PARVB: variants seen among roughly 807,000 people sequenced by gnomAD.
PARVB encodes beta-parvin.
Under a neutral mutation model 47.0 loss-of-function variants are expected in PARVB, and 46 were observed. The observed-to-expected ratio is 0.98, with a 90% CI of 0.77 to 1.25. The LOEUF (loss-of-function observed/expected upper bound fraction) is 1.25, where lower values mean the gene tolerates loss of function less well. Among genes scored for constraint, PARVB ranks in the 50% most tolerant of loss-of-function variants. PARVB has a pLI of 0.00. For missense variants in PARVB, 473 were observed against 471.6 expected (o/e 1.00, Z -0.03); for synonymous variants, 196 against 196.3 (o/e 1.00, Z 0.01).
intron 1 of PARVB, among the ~76,000 whole-genome samples, chr22:44,045,873 T>A (rs1368707972): frequency 1.3e-5 from 2 of 152,230 alleles, no homozygotes; most frequent in Non-Finnish European, 2.9e-5. Flanking sequence ...CCCACTTTGT[T>A]CTTCAACCTT....
In PARVB at chr22:44,172,935, G is replaced by A; in HGVS notation, c.*4257G>A. ...TTATTTATTCCAATAAAGACCTCGT[G>A]AGCATGGGCCTGTCCACCGTCTTTG... On this transcript the variant is annotated 3_prime_UTR_variant, in exon 13 of 13. Coordinates refer to ENST00000338758, the MANE Select transcript of PARVB (RefSeq NM_013327.5). The A allele has an allele frequency of 8.0e-7, 1 of 1,250,040 alleles. No homozygotes were observed. Among genetic ancestry groups the A allele is most frequent in the African/African-American group, 1.5e-5 (1 of 64,904 alleles). The allele number at this position is 1,250,040 out of a possible 1,614,324, so 77.4% of individuals were successfully genotyped here.
At chr22:44,105,971 G>C (rs967778187) in intron 3 of PARVB, 1 of 152,138 alleles carries the variant, frequency 6.6e-6, no homozygotes, top group African/African-American at 2.4e-5. Flanking sequence ...TGGGATTATA[G>C]GTATGCACCA....
rs114126576 is a variant in PARVB at position 44,117,752 on chromosome 22, T to C, written c.274-1286T>C. Among the ~76,000 whole-genome samples the C allele has an allele frequency of 7.7e-3, 1,179 of 152,360 alleles. 15 individuals carry two copies. The highest frequency in any genetic ancestry group is 0.027 in the African/African-American group (1,140 of 41,570). ...CAGAGTGACAGGGGACGGTATATTC[T>C]GGACTTGTGCCCTTTTGTTCATCTC... On this transcript the variant is annotated intron_variant, in intron 3 of 12. Transcript: ENST00000338758.
At chr22:44,160,950 C>T (rs941260708) in intron 11 of PARVB, among the ~76,000 whole-genome samples, 3 of 152,192 alleles carry the variant, frequency 2.0e-5, no homozygotes, top group Non-Finnish European at 2.9e-5. Context: ...GAAGAGGATT[C>T]CTCAGGCTTA....
intron 1 of PARVB, among the ~76,000 whole-genome samples, chr22:44,044,445 C>T (rs1393108833): frequency 6.6e-6 from 1 of 152,014 alleles, no homozygotes; most frequent in Non-Finnish European, 1.5e-5. Context: ...CCGCCTAGGC[C>T]TCCCAAAGTG....
At chr22:44,047,359 G>T (rs2051132501) in intron 1 of PARVB, among the ~76,000 whole-genome samples, 1 of 152,144 alleles carries the variant, frequency 6.6e-6, no homozygotes, top group Non-Finnish European at 1.5e-5. Flanking sequence ...ATTGGCTTAG[G>T]TCGCTGTATT....
At chr22:44,021,810 CACACACAG>C (rs1257773979), upstream of PARVB, among the ~76,000 whole-genome samples, 376 of 138,372 alleles carry the variant, frequency 2.7e-3, 6 homozygotes, top group African/African-American at 1.0e-2. Context: ...CACACACACA[CACACACAG>C]GGCCTAGTAG....
At chr22:44,058,979 AT>A (rs1373206994) in intron 1 of PARVB, among the ~76,000 whole-genome samples, 2 of 121,404 alleles carry the variant, frequency 1.6e-5, no homozygotes, top group African/African-American at 6.6e-5. Flanking sequence ...TGAGGGTGTG[AT>A]GGGGGGGGGA....
At chr22:44,131,440 C>A (rs747898327) in intron 4 of PARVB, 47 bp from the exon 5 acceptor site, 31 of 1,600,654 alleles carry the variant, frequency 1.9e-5, no homozygotes, top group Non-Finnish European at 2.6e-5. Flanking sequence ...CTGCGCCTGG[C>A]CCTTCCAGCT....
intron 1 of PARVB, among the ~76,000 whole-genome samples, chr22:44,067,429 C>T (rs12160516): frequency 0.02 from 3,051 of 152,338 alleles, 106 homozygotes; most frequent in African/African-American, 0.069. Context: ...CCTCCTCCCC[C>T]AAGGGGCTGA....
intron 1 of PARVB, chr22:44,031,329 T>C (rs928195506): frequency 6.6e-6 from 1 of 152,254 alleles, no homozygotes; most frequent in African/African-American, 2.4e-5. Flanking sequence ...CCTTTGATTA[T>C]TATTCTGACT....
At chr22:44,010,514 G>T (rs1462376735) in intron 2 of PARVB, 3 of 152,242 alleles carry the variant, frequency 2.0e-5, no homozygotes, top group Non-Finnish European at 4.4e-5. Context: ...AATAAATGAT[G>T]AGAAGTGGAG....
chr22:44,100,180 G>A (rs939219973), intron 3 of PARVB, 57 bp downstream of exon 3: 7 of 1,369,666 alleles, frequency 5.1e-6, no homozygotes, highest in Middle Eastern at 1.8e-4. Flanking sequence ...TTGGCTTTGG[G>A]GTTCAGGGCT....
chr22:44,120,862 G>GA (rs1329373148), intron 4 of PARVB, among the ~76,000 whole-genome samples: 1 of 146,188 alleles, frequency 6.8e-6, no homozygotes, highest in African/African-American at 2.5e-5. Flanking sequence ...TTCTTTTTTT[G>GA]AAATGGAGTC....
chr22:44,130,983 T>C (rs2053295824), intron 4 of PARVB, among the ~76,000 whole-genome samples: 1 of 148,412 alleles, frequency 6.7e-6, no homozygotes, highest in African/African-American at 2.5e-5. Context: ...GGGACCTCCT[T>C]GAGGCTGGGG....
intron 2 of PARVB, among the ~76,000 whole-genome samples, chr22:44,017,890 C>G (rs1187192366): frequency 2.0e-5 from 3 of 152,056 alleles, no homozygotes; most frequent in Non-Finnish European, 2.9e-5. Context: ...GTCAGGGGGG[C>G]CTTCCAAAGC....
At chr22:44,135,646 A>T (rs566326798) in intron 6 of PARVB, among the ~76,000 whole-genome samples, 8 of 152,212 alleles carry the variant, frequency 5.3e-5, no homozygotes, top group Non-Finnish European at 1.2e-4. Context: ...AAGTACCACA[A>T]ACCAGGTGGC....
At chr22:44,029,070 A>G (rs1161932920) in intron 1 of PARVB, among the ~76,000 whole-genome samples, 1 of 152,116 alleles carries the variant, frequency 6.6e-6, no homozygotes, top group African/African-American at 2.4e-5. Context: ...TGCAGCCTCA[A>G]TCTCCTGGGG....
chr22:44,022,852 TC>T (rs1223703957), upstream of PARVB, among the ~76,000 whole-genome samples: 5 of 152,092 alleles, frequency 3.3e-5, no homozygotes, highest in Non-Finnish European at 7.4e-5. Context: ...GTTCAAGCGA[TC>T]CTTGTGCCTC....
Sources: allele counts gnomAD v4.1 joint callset (sites outside exome capture counted in the v4.1 genomes callset), GRCh38; gene constraint gnomAD v4.1.1; transcripts MANE v1.5; gene names NCBI Gene and HGNC (gene_info 2026-07-23, HGNC 2026-07-21).